The following SDHA variants were observed in gnomAD, a reference collection of about 807,000 sequenced individuals.
SDHA encodes succinate dehydrogenase [ubiquinone] flavoprotein subunit, mitochondrial.
A neutral mutation model predicts 78.4 loss-of-function variants in SDHA; 48 were observed. The observed-to-expected ratio is 0.61, with a 90% CI of 0.49 to 0.78. The LOEUF (loss-of-function observed/expected upper bound fraction) is 0.78, where lower values mean the gene tolerates loss of function less well. SDHA is among the 30% of genes least tolerant of loss of function. SDHA has a pLI of 0.00. For missense variants in SDHA, 680 were observed against 892.7 expected, an observed-to-expected ratio of 0.76 and a Z score of 3.04; for synonymous variants, 326 against 353.9, an observed-to-expected ratio of 0.92 and a Z score of 0.88.
the SDHA span, among the ~76,000 whole-genome samples, chr5:267,543 A>G: frequency 0.24 from 36,611 of 152,164 alleles, 6,872 homozygotes; most frequent in African/African-American, 0.53. Flanking sequence ...TGCCAAAGAC[A>G]TCAGATGCAT....
At chr5:253,299 T>A (rs1736974188) in intron 13 of SDHA, among the ~76,000 whole-genome samples, 1 of 152,216 alleles carries the variant, frequency 6.6e-6, no homozygotes, top group African/African-American at 2.4e-5. Flanking sequence ...GAAATTTTAC[T>A]GATTTACCCT....
chr5:218,618 C>T (rs1024711478), intron 1 of SDHA, among the ~76,000 whole-genome samples, 200 bp downstream of exon 1: 7 of 152,168 alleles, frequency 4.6e-5, no homozygotes, highest in African/African-American at 1.7e-4. Flanking sequence ...GGAGCTCGGT[C>T]CTTAGTAGAT....
chr5:245,890 C>G (rs1037422981), intron 11 of SDHA, among the ~76,000 whole-genome samples: 4 of 151,806 alleles, frequency 2.6e-5, no homozygotes, highest in Non-Finnish European at 5.9e-5. Flanking sequence ...GGCTTCCTAC[C>G]TATGCCATGA....
At position 254,487 on chromosome 5, in the gene SDHA, T is replaced by C. The variant is rs1392791825; in HGVS notation, c.1889T>C (p.Val630Ala). 34 of 1,573,040 alleles carry C rather than the reference T, an allele frequency of 2.2e-5. No homozygotes were observed. The highest frequency in any genetic ancestry group is 2.9e-5 in the Non-Finnish European group (34 of 1,159,556). The change falls in exon 14 of 15, where the codon GTG becomes GCG. Residue 630 changes from valine to alanine, a missense_variant. Physicochemically the swap from Val to Ala is moderately conservative, Grantham distance 64 (BLOSUM62 0). Transcript: ENST00000264932. ...EHWRKHTLSY[V>A]DVGTGKVTLE... is the part of the protein sequence containing the mutation. ...TGGAGGAAGCACACCCTGTCCTATG[T>C]GGACGTTGGCACTGGGAAGGTCAGT...
intron 11 of SDHA, 50 bp from the exon 12 acceptor site, chr5:250,942 A>T (rs1215522473): frequency 2.7e-6 from 4 of 1,497,990 alleles, no homozygotes; most frequent in Non-Finnish European, 3.7e-6. Context: ...AGTTCTTGGT[A>T]TGGCTGCTTC....
At chr5:236,370 G>A in intron 9 of SDHA, 58 bp from the exon 10 acceptor site, 1 of 1,556,138 alleles carries the variant, frequency 6.4e-7, no homozygotes, top group Non-Finnish European at 8.9e-7. Flanking sequence ...GTTGGGGAAG[G>A]TGGGCTGGTG....
rs587781729 is a variant in SDHA at position 240,466 on chromosome 5, G to A, written c.1541G>A (p.Ser514Asn). ...GSIRTSELRL[S>N]MQKSMQNHAA... ...ATAAGAACATCGGAACTGCGACTCA[G>A]CATGCAGAAGGTAAGAGCCTGGACT... Residue 514 changes from serine (S) to asparagine (N), a missense_variant, in exon 11 of 15, where the codon AGC (serine) becomes AAC (asparagine). By Grantham distance (46) the Ser-to-Asn change is conservative. Transcript: ENST00000264932. The A allele has an allele frequency of 1.9e-6, 3 of 1,602,498 alleles. No homozygotes were observed. Among genetic ancestry groups the A allele is most frequent in the Non-Finnish European group, 2.6e-6 (3 of 1,171,300 alleles).
chr5:238,103 C>T (rs1330714616), intron 10 of SDHA, among the ~76,000 whole-genome samples: 3 of 147,730 alleles, frequency 2.0e-5, no homozygotes, highest in Non-Finnish European at 4.4e-5. Context: ...TCTGAGAAAC[C>T]GCCCACGCAT....
intron 11 of SDHA, among the ~76,000 whole-genome samples, chr5:245,991 C>A (rs1220844518): frequency 6.6e-6 from 1 of 152,236 alleles, no homozygotes; most frequent in Non-Finnish European, 1.5e-5. Flanking sequence ...TAGAGGAGAT[C>A]CTGGTCTCAC....
intron 11 of SDHA, among the ~76,000 whole-genome samples, chr5:242,791 A>G (rs1201839284): frequency 9.9e-5 from 15 of 152,166 alleles, no homozygotes; most frequent in Admixed American, 9.8e-4. Flanking sequence ...CAGAAGCATC[A>G]GGGTAACAAT....
In SDHA at chr5:255,383, A is replaced by G. The variant is rs139775870; in HGVS notation, c.1908+877A>G. 3.3e-3 allele frequency among the ~76,000 whole-genome samples: 499 copies of G among 151,924 alleles called. 2 individuals carry two copies. The highest frequency in any genetic ancestry group is 5.8e-3 in the Non-Finnish European group (395 of 68,004). On this transcript the variant is annotated intron_variant, in intron 14 of 14. Coordinates refer to ENST00000264932, the MANE Select transcript of SDHA (RefSeq NM_004168.4). ...GACTTCTCATGAAGGCCATTTCTTG[A>G]TAGTGTATAGAAATCACACTTCACT...
In SDHA at chr5:256,508, C is replaced by T. The variant is rs1322642544; in HGVS notation, c.*88C>T. ...TGTCCATGTCATAACTGTCTTCATACGCTTCTGCACTCTGGGGAAGAAGGA... is the reference window on the plus strand; with the variant it reads ...TGTCCATGTCATAACTGTCTTCATATGCTTCTGCACTCTGGGGAAGAAGGA... On this transcript the variant is annotated 3_prime_UTR_variant, in exon 15 of 15. Transcript: ENST00000264932. 1.4e-5 allele frequency: 17 copies of T among 1,178,416 alleles called. No individual in the cohort carries two copies. The highest frequency in any genetic ancestry group is 1.9e-4 in the Middle Eastern group (1 of 5,222). 73.0% of individuals were successfully genotyped at this position (1,178,416 alleles called of 1,614,324 possible). A position where few individuals can be genotyped will look rare whatever the true frequency, so the allele number is the denominator to read the frequency against.
rs1579384590 is a variant in SDHA, at chr5:225,562, G to A, written c.456G>A (p.Glu152=). The part of the protein sequence containing the change: ...MTEQAPAAVV[E]LENYGMPFSR... ...AGCAGGCCCCCGCCGCCGTGGTCGA[G>A]GTGATGGGCGGGAGGCTCTGGGTGT... Residue 152 remains glutamate (E), a splice_region_variant and synonymous_variant, in exon 4 of 15, where the codon GAG becomes GAA. Transcript: ENST00000264932. 4 of 1,613,974 alleles carry A rather than the reference G, an allele frequency of 2.5e-6. No homozygotes were observed. Among genetic ancestry groups the A allele is most frequent in the Non-Finnish European group, 3.4e-6 (4 of 1,179,880 alleles).
rs1560995693 is a variant in SDHA at position 234,438 on chromosome 5, A to AC, written c.1065-706_1065-705insC. ...TGTCTCAAAAAAAAAAAAAAAAAAA[A>AC]AAAAAACAGAGAAGTCAAATGGTTT... On this transcript the variant is annotated intron_variant, in intron 8 of 14. Transcript: ENST00000264932. 786 of 151,666 alleles carry AC rather than the reference A, an allele frequency of 5.2e-3. 29 individuals carry two copies. The highest frequency in any genetic ancestry group is 0.015 in the African/African-American group (632 of 40,972). 9.4% of individuals were successfully genotyped at this position (151,666 alleles called of 1,614,324 possible).
At chr5:235,911 G>A (rs1735743461) in intron 9 of SDHA, 1 of 242,518 alleles carries the variant, frequency 4.1e-6, no homozygotes, top group Non-Finnish European at 8.2e-6. Flanking sequence ...TGACCTGCTT[G>A]TAACAGCAGG....
At chr5:240,615 G>C in intron 11 of SDHA, 139 bp downstream of exon 11, 1 of 700,090 alleles carries the variant, frequency 1.4e-6, no homozygotes, top group Non-Finnish European at 2.7e-6. Context: ...TGGAGTCTGG[G>C]CTTTTCATGT....
the SDHA span, among the ~76,000 whole-genome samples, chr5:268,234 A>T: frequency 2.0e-5 from 3 of 148,402 alleles, no homozygotes; most frequent in Non-Finnish European, 4.5e-5. Context: ...CCCAGGCTGG[A>T]GTGCCTGGTG....
chr5:229,456 G>A (rs997238088), intron 6 of SDHA, among the ~76,000 whole-genome samples: 5 of 152,234 alleles, frequency 3.3e-5, no homozygotes, highest in Admixed American at 2.0e-4. Context: ...GTGTGACAAC[G>A]TGGATGAACC....
At chr5:252,474 C>T (rs111786685) in intron 13 of SDHA, among the ~76,000 whole-genome samples, 17 of 125,788 alleles carry the variant, frequency 1.4e-4, no homozygotes, top group African/African-American at 1.7e-4. Flanking sequence ...AACGAGTAAG[C>T]CACCATTTCA....
Sources: gnomAD v4.1 joint callset for allele counts (sites outside exome capture counted in the v4.1 genomes callset) on GRCh38, gnomAD v4.1.1 for gene constraint, MANE v1.5 for transcripts, NCBI Gene and HGNC (gene_info 2026-07-23, HGNC 2026-07-21) for gene names.